The following MRPS25 variants were observed in gnomAD, a reference collection of about 807,000 sequenced individuals.
MRPS25 encodes mitochondrial ribosomal protein S25, also known as small ribosomal subunit protein mS25.
MRPS25 carries 15 observed loss-of-function variants against 17.3 expected under a neutral mutation model. The observed-to-expected ratio is 0.87, with a 90% CI of 0.58 to 1.34. The LOEUF (loss-of-function observed/expected upper bound fraction) is 1.34. MRPS25 is among the 40% of genes most tolerant of loss of function. The pLI, the probability that MRPS25 is intolerant of heterozygous loss-of-function variation, is 0.00. For synonymous variants in MRPS25, 94 were observed against 83.3 expected (o/e 1.13, Z -0.70); for missense variants, 225 against 218.6 (o/e 1.03, Z -0.19).
chr3:15,045,030 T>C (rs925003448), downstream of MRPS25: 4 of 152,208 alleles, frequency 2.6e-5, no homozygotes, highest in Admixed American at 2.6e-4. Flanking sequence ...TAAAGTAATT[T>C]TTACTTTTCT....
In MRPS25 at chr3:15,065,209, C is replaced by T. The variant is rs377585990; in HGVS notation, c.-15G>A. The T allele has an allele frequency of 9.3e-5, 147 of 1,575,052 alleles. No homozygotes were observed. The highest frequency in any genetic ancestry group is 7.5e-5 in the Non-Finnish European group (87 of 1,163,030). On this transcript the variant is annotated 5_prime_UTR_variant, in exon 1 of 4. Coordinates refer to ENST00000253686, the MANE Select transcript of MRPS25 (RefSeq NM_022497.5). ...TTCATGGGCATGGCGGCAACGGTGG[C>T]GGGGCCGACCCCACGGGCCGCGAGC...
In MRPS25 at chr3:15,052,592, G is replaced by A; in HGVS notation, c.371C>T (p.Ser124Phe). Residue 124 changes from serine to phenylalanine, a missense_variant, in exon 4 of 4, where the codon TCT (serine) becomes TTT (phenylalanine). By Grantham distance (155) the Ser-to-Phe change is radical (BLOSUM62 -2). Coordinates refer to ENST00000253686, the MANE Select transcript of MRPS25 (RefSeq NM_022497.5). Reference sequence around the variant, plus strand: ...TCGAGGGCCGAAGTTGGCTGGGTGAGAAAGCTGCTTTTTCTCCTCCTCCTC... The same window carrying A: ...TCGAGGGCCGAAGTTGGCTGGGTGAAAAAGCTGCTTTTTCTCCTCCTCCTC... ...REEEEEKKQL[S>F]HPANFGPRKY... 1 of 1,614,164 alleles carries A rather than the reference G, an allele frequency of 6.2e-7. No individual in the cohort carries two copies. The highest frequency in any genetic ancestry group is 1.1e-5 in the South Asian group (1 of 91,080).
chr3:15,050,040 TA>T lies in MRPS25; in HGVS notation c.*2400del. On this transcript the variant is annotated 3_prime_UTR_variant, in exon 4 of 4. Coordinates refer to ENST00000253686, the MANE Select transcript of MRPS25 (RefSeq NM_022497.5). ...AATTATAAAATCCTCACATTTTCTC[TA>T]ATTAATTTTCTCCCATTTCTGTATA... 1 of 1,455,180 alleles carries T rather than the reference TA, an allele frequency of 6.9e-7. No individual in the cohort carries two copies. The highest frequency in any genetic ancestry group is 8.9e-7 in the Non-Finnish European group (1 of 1,118,534). 90.1% of individuals were successfully genotyped at this position (1,455,180 alleles called of 1,614,324 possible).
At chr3:15,045,854 T>TC (rs909536696), downstream of MRPS25, 10 of 152,184 alleles carry the variant, frequency 6.6e-5, no homozygotes, top group African/African-American at 2.2e-4. Context: ...GCCTGGCTGC[T>TC]CCTCCCTCAA....
At position 15,065,241 on chromosome 3, in the gene MRPS25, G is replaced by A. The variant is rs1283930264; in HGVS notation, c.-47C>T. On this transcript the variant is annotated 5_prime_UTR_variant, in exon 1 of 4. Coordinates refer to ENST00000253686, the MANE Select transcript of MRPS25 (RefSeq NM_022497.5). ...GACCCCACGGGCCGCGAGCCGAGCA[G>A]CGACGAGAAAGGACTAGCTAGCACC... is the stretch of plus-strand genomic sequence containing the variant. The A allele has an allele frequency of 6.5e-7, 1 of 1,547,110 alleles. No homozygotes were observed. The highest frequency in any genetic ancestry group is 8.7e-7 in the Non-Finnish European group (1 of 1,147,842).
At chr3:15,060,151 G>A (rs1247638781) in intron 1 of MRPS25, among the ~76,000 whole-genome samples, 2 of 152,238 alleles carry the variant, frequency 1.3e-5, no homozygotes, top group East Asian at 3.9e-4. Context: ...GGGGTGAGAA[G>A]TAACAATGGT....
At chr3:15,056,523 A>G (rs1224462140) in intron 2 of MRPS25, among the ~76,000 whole-genome samples, 2 of 152,148 alleles carry the variant, frequency 1.3e-5, no homozygotes, top group Non-Finnish European at 2.9e-5. Flanking sequence ...GGTCCTTACA[A>G]CTGCAGCACC....
intron 3 of MRPS25, 41 bp downstream of exon 3, chr3:15,053,339 C>T: frequency 6.2e-7 from 1 of 1,613,858 alleles, no homozygotes; most frequent in South Asian, 1.1e-5. Context: ...ATTCTCTGGG[C>T]TGAGAAGTTT....
intron 1 of MRPS25, among the ~76,000 whole-genome samples, chr3:15,062,369 C>A (rs2042781754): frequency 7.2e-5 from 1 of 13,938 alleles, no homozygotes; most frequent in African/African-American, 2.2e-4. Flanking sequence ...CTCTGCCCGG[C>A]CAGGCCGCCC....
downstream of MRPS25, chr3:15,044,036 G>A (rs2042363893): frequency 6.6e-6 from 1 of 152,204 alleles, no homozygotes. Context: ...TGGCCTTGGA[G>A]TGTGAGCGTT....
chr3:15,060,214 ATCAACAAGTAGCTC>A (rs1440340020), intron 1 of MRPS25, among the ~76,000 whole-genome samples: 1 of 152,166 alleles, frequency 6.6e-6, no homozygotes, highest in Non-Finnish European at 1.5e-5. Flanking sequence ...AAAGCTAAAA[ATCAACAAGTAGCTC>A]TCAGCTGGGT....
chr3:15,063,493 C>T (rs1256234725), intron 1 of MRPS25, among the ~76,000 whole-genome samples: 1 of 152,092 alleles, frequency 6.6e-6, no homozygotes, highest in African/African-American at 2.4e-5. Flanking sequence ...AGGACTGCGG[C>T]TAGCCAGAGC....
At chr3:15,043,899 A>G (rs574035964), downstream of MRPS25, 2 of 152,368 alleles carry the variant, frequency 1.3e-5, no homozygotes, top group South Asian at 4.1e-4. Context: ...AACATCCCCA[A>G]GTCACATCCG....
intron 2 of MRPS25, among the ~76,000 whole-genome samples, chr3:15,058,390 C>A (rs1444032493): frequency 1.3e-5 from 2 of 152,100 alleles, no homozygotes; most frequent in Admixed American, 6.5e-5. Flanking sequence ...AGGGTTTCAC[C>A]ATGTTAGCCA....
At chr3:15,057,971 G>A (rs1157517859) in intron 2 of MRPS25, among the ~76,000 whole-genome samples, 3 of 151,852 alleles carry the variant, frequency 2.0e-5, no homozygotes, top group Non-Finnish European at 4.4e-5. Flanking sequence ...TGCAACCTCT[G>A]CCTCCCAGGC....
At chr3:15,048,388 C>T (rs566776598), downstream of MRPS25, 1 of 152,624 alleles carries the variant, frequency 6.6e-6, no homozygotes, top group Non-Finnish European at 1.5e-5. Context: ...TTTAGCTTAA[C>T]AGCAGTCTAC....
chr3:15,059,655 T>C (rs1011208338), intron 1 of MRPS25, among the ~76,000 whole-genome samples, 180 bp from the exon 2 acceptor site: 1 of 152,240 alleles, frequency 6.6e-6, no homozygotes, highest in Non-Finnish European at 1.5e-5. Context: ...TGGGGACCCC[T>C]GGGCAGGCAT....
At chr3:15,053,743 T>TTC in intron 2 of MRPS25, 1 of 470,130 alleles carries the variant, frequency 2.1e-6, no homozygotes, top group Non-Finnish European at 3.9e-6. Context: ...AAGACGGCAA[T>TTC]TCTCCCCAGA....
At chr3:15,059,058 G>A (rs2042710457) in intron 2 of MRPS25, among the ~76,000 whole-genome samples, 1 of 150,874 alleles carries the variant, frequency 6.6e-6, no homozygotes, top group Non-Finnish European at 1.5e-5. Flanking sequence ...AGCAAACGCA[G>A]GTAGAAATGG....
Sources: gnomAD v4.1 joint callset for allele counts (sites outside exome capture counted in the v4.1 genomes callset) on GRCh38, gnomAD v4.1.1 for gene constraint, MANE v1.5 for transcripts, NCBI Gene and HGNC (gene_info 2026-07-23, HGNC 2026-07-21) for gene names.